The following SRL variants were observed in gnomAD, a reference collection of about 807,000 sequenced individuals.
SRL encodes sarcalumenin.
A neutral mutation model predicts 39.5 loss-of-function variants in SRL; 23 were observed. The observed-to-expected ratio is 0.58, with a 90% CI of 0.42 to 0.82. The LOEUF (loss-of-function observed/expected upper bound fraction) is 0.82, where lower values mean the gene tolerates loss of function less well. Ranked by LOEUF, SRL falls within the 40% of genes least tolerant of loss-of-function variation. The pLI, the probability that SRL is intolerant of heterozygous loss-of-function variation, is 0.00. For synonymous variants in SRL, 272 were observed against 237.4 expected (o/e 1.15, Z -1.34); for missense variants, 592 against 607.8 (o/e 0.97, Z 0.27).
chr16:4,203,343 C>G (rs2052264796), intron 2 of SRL, 82 bp from the exon 3 acceptor site: 1 of 1,152,244 alleles, frequency 8.7e-7, no homozygotes, highest in African/African-American at 1.5e-5. Context: ...GCCTCACCAC[C>G]CAGGGCAGCT....
At chr16:4,213,699 C>T (rs972007236) in intron 1 of SRL, among the ~76,000 whole-genome samples, 6 of 152,168 alleles carry the variant, frequency 3.9e-5, no homozygotes, top group South Asian at 2.1e-4. Context: ...GTGTGAACCA[C>T]GCTTACAGCA....
chr16:4,216,432 C>T (rs565798079), intron 1 of SRL, among the ~76,000 whole-genome samples: 2 of 151,972 alleles, frequency 1.3e-5, no homozygotes, highest in East Asian at 1.9e-4. Context: ...CAACCACACT[C>T]GGCTAATTTT....
intron 1 of SRL, among the ~76,000 whole-genome samples, chr16:4,236,736 C>A (rs377002514): frequency 6.6e-6 from 1 of 152,064 alleles, no homozygotes; most frequent in Non-Finnish European, 1.5e-5. Context: ...CTCTGCCTCC[C>A]GGGTACAAGC....
intron 1 of SRL, among the ~76,000 whole-genome samples, chr16:4,217,531 C>T (rs1054192250): frequency 1.7e-4 from 26 of 152,308 alleles, no homozygotes; most frequent in Middle Eastern, 3.4e-3. Context: ...GGATTACAGG[C>T]GTGAGCCACT....
chr16:4,218,226 C>G (rs571086093), intron 1 of SRL, among the ~76,000 whole-genome samples: 1 of 152,242 alleles, frequency 6.6e-6, no homozygotes, highest in East Asian at 1.9e-4. Context: ...TGAGGTGACC[C>G]CGCACTTCAC....
intron 1 of SRL, among the ~76,000 whole-genome samples, chr16:4,210,242 T>A (rs2052375913): frequency 6.6e-6 from 1 of 152,126 alleles, no homozygotes; most frequent in African/African-American, 2.4e-5. Flanking sequence ...TTCACCTACA[T>A]CTCTATCTCT....
intron 1 of SRL, chr16:4,207,593 C>G (rs1274242068): frequency 2.2e-6 from 1 of 447,546 alleles, no homozygotes; most frequent in Non-Finnish European, 4.5e-6. Context: ...CCAGGCTGTC[C>G]CCTTGGACCT....
intron 1 of SRL, among the ~76,000 whole-genome samples, chr16:4,226,933 T>A (rs1177825008): frequency 2.7e-5 from 4 of 149,926 alleles, no homozygotes; most frequent in African/African-American, 9.9e-5. Context: ...GAAGGATGAA[T>A]GGATGGGTGG....
intron 1 of SRL, among the ~76,000 whole-genome samples, chr16:4,231,802 G>C (rs533950664): frequency 3.1e-4 from 47 of 152,240 alleles, no homozygotes; most frequent in African/African-American, 1.1e-3. Flanking sequence ...TCAAGTTGCC[G>C]CATACTCACA....
chr16:4,202,516 C>T (rs760972787), intron 3 of SRL, among the ~76,000 whole-genome samples: 15 of 151,448 alleles, frequency 9.9e-5, no homozygotes, highest in Admixed American at 3.3e-4. Flanking sequence ...TGGCGTGAAC[C>T]TGGGAGGCAG....
At chr16:4,193,032 G>T in intron 5 of SRL, 68 bp from the exon 6 acceptor site, 1 of 1,355,884 alleles carries the variant, frequency 7.4e-7, no homozygotes, top group Non-Finnish European at 1.0e-6. Flanking sequence ...CCTCCTTTCA[G>T]AACTAAACCA....
chr16:4,237,476 A>G (rs940693448), intron 1 of SRL, among the ~76,000 whole-genome samples: 2 of 152,074 alleles, frequency 1.3e-5, no homozygotes, highest in Non-Finnish European at 2.9e-5. Flanking sequence ...GGCATGGCTG[A>G]CTAATCAGTC....
intron 2 of SRL, 44 bp from the exon 3 acceptor site, chr16:4,203,305 A>G: frequency 6.4e-7 from 1 of 1,554,668 alleles, no homozygotes. Context: ...CGCAGGTGCG[A>G]TCCAGGCAGC....
chr16:4,232,918 G>A (rs951930276), intron 1 of SRL, among the ~76,000 whole-genome samples: 3 of 152,206 alleles, frequency 2.0e-5, no homozygotes, highest in African/African-American at 7.2e-5. Context: ...AGTGGTGGGG[G>A]GAGGCGGGGG....
chr16:4,236,228 A>G (rs1223956143), intron 1 of SRL, among the ~76,000 whole-genome samples: 2 of 152,126 alleles, frequency 1.3e-5, no homozygotes, highest in African/African-American at 4.8e-5. Context: ...TCCTCACTAA[A>G]TACCCTCAAA....
At chr16:4,195,496 C>A in intron 5 of SRL, 57 bp downstream of exon 5, 3 of 1,557,834 alleles carry the variant, frequency 1.9e-6, no homozygotes, top group Non-Finnish European at 2.6e-6. Context: ...TCATGCCTGG[C>A]CAAAAATAAT....
chr16:4,203,192 T>A lies in SRL; in HGVS notation c.233A>T (p.Asn78Ile). The A allele has an allele frequency of 6.2e-7, 1 of 1,614,144 alleles. No individual in the cohort carries two copies. The highest frequency in any genetic ancestry group is 8.5e-7 in the Non-Finnish European group (1 of 1,179,986). Residue 78 changes from asparagine (N) to isoleucine (I), a missense_variant, in exon 3 of 6, where the codon AAT (asparagine) becomes ATT (isoleucine). Transcript: ENST00000399609. ...TGTGATCTCATGCTGCCGGAGCTCA[T>A]TGTACTTGTAGGACTGCTCCAGAGG... is the stretch of plus-strand genomic sequence containing the variant. ...IKPLEQSYKY[N>I]ELRQHEITDG... is the part of the protein sequence containing the mutation.
intron 1 of SRL, among the ~76,000 whole-genome samples, chr16:4,236,524 G>C (rs553074568): frequency 6.6e-6 from 1 of 151,944 alleles, no homozygotes; most frequent in African/African-American, 2.4e-5. Context: ...TCATCTTTAC[G>C]TAAATGAATC....
intron 1 of SRL, among the ~76,000 whole-genome samples, chr16:4,222,281 G>A (rs1018210400): frequency 3.9e-5 from 6 of 152,114 alleles, no homozygotes; most frequent in Non-Finnish European, 5.9e-5. Context: ...CCTATGTGAC[G>A]GCTTTTTTTA....
Sources: gnomAD v4.1 joint callset for allele counts (sites outside exome capture counted in the v4.1 genomes callset) on GRCh38, gnomAD v4.1.1 for gene constraint, MANE v1.5 for transcripts, NCBI Gene and HGNC (gene_info 2026-07-23, HGNC 2026-07-21) for gene names.